The following SPNS2 variants were observed in gnomAD, a reference collection of about 807,000 sequenced individuals.
SPNS2 encodes sphingosine-1-phosphate transporter SPNS2.
A neutral mutation model predicts 57.6 loss-of-function variants in SPNS2; 37 were observed. The ratio of observed to expected loss-of-function variants is 0.64; its 90% CI spans 0.49 to 0.85. The LOEUF is 0.85. SPNS2 is among the 40% of genes least tolerant of loss of function. The pLI, the probability that SPNS2 is intolerant of heterozygous loss-of-function variation, is 0.00. For missense variants in SPNS2, 831 were observed against 779.1 expected, an observed-to-expected ratio of 1.07 and a Z score of -0.79; for synonymous variants, 440 against 346.9, an observed-to-expected ratio of 1.27 and a Z score of -2.98.
In SPNS2 at chr17:4,525,151, C is replaced by A; in HGVS notation, c.531C>A (p.Phe177Leu). The change falls in exon 3 of 13, where the codon TTC (phenylalanine) becomes TTA (leucine). Residue 177 changes from phenylalanine (F) to leucine (L), a missense_variant. By Grantham distance (22) the Phe-to-Leu change is conservative. Transcript: ENST00000329078. Reference protein sequence around the residue: ...RKVILSCGIFFWSAVTFSSSF... With the variant: ...RKVILSCGIFLWSAVTFSSSF... ...TGATTCTCAGCTGCGGCATTTTCTTCTGGTCGGCCGTCACCTTCTCCAGCT... is the reference window on the plus strand; with the variant it reads ...TGATTCTCAGCTGCGGCATTTTCTTATGGTCGGCCGTCACCTTCTCCAGCT... The A allele has an allele frequency of 6.2e-7, 1 of 1,614,210 alleles. No homozygotes were observed. The highest frequency in any genetic ancestry group is 8.5e-7 in the Non-Finnish European group (1 of 1,180,038).
chr17:4,530,338 C>T (rs1222809635), intron 3 of SPNS2, among the ~76,000 whole-genome samples: 1 of 152,154 alleles, frequency 6.6e-6, no homozygotes, highest in Non-Finnish European at 1.5e-5. Flanking sequence ...GTCCCCAGTG[C>T]CTATGAGGAC....
intron 2 of SPNS2, among the ~76,000 whole-genome samples, chr17:4,514,178 G>A (rs1479097624): frequency 6.6e-6 from 1 of 152,248 alleles, no homozygotes; most frequent in Non-Finnish European, 1.5e-5. Context: ...CTCAGGGCTT[G>A]GGGCGGGAGG....
At chr17:4,533,571 C>T (rs1905603868) in intron 8 of SPNS2, 139 bp downstream of exon 8, 2 of 1,102,910 alleles carry the variant, frequency 1.8e-6, no homozygotes, top group South Asian at 1.5e-5. Context: ...CCCTGCTCAT[C>T]CCCAGCCTGG....
In SPNS2 at chr17:4,533,951, G is replaced by T. The variant is rs1905629154; in HGVS notation, c.1344+98G>T. The T allele has an allele frequency of 4.4e-6, 5 of 1,135,556 alleles. No individual in the cohort carries two copies. In the Admixed American group the frequency reaches 9.2e-5, roughly 21 times the overall value. 70.3% of individuals were successfully genotyped at this position (1,135,556 alleles called of 1,614,324 possible). ...GGGCGGGTGAAGGGGCGGGAGAGCT[G>T]GTAGGAAGGCAGGCCTGCCAGGAAC... is the stretch of plus-strand genomic sequence containing the variant. On this transcript the variant is annotated intron_variant, in intron 9 of 12. Coordinates refer to ENST00000329078, the MANE Select transcript of SPNS2 (RefSeq NM_001124758.3).
chr17:4,509,093 T>C (rs1318972153), intron 1 of SPNS2, among the ~76,000 whole-genome samples: 3 of 152,162 alleles, frequency 2.0e-5, no homozygotes, highest in Non-Finnish European at 4.4e-5. Context: ...GTATCCTGGC[T>C]GACTCCCAGG....
Position 4,538,837 on chromosome 17 carries a change from AC to A in SPNS2, c.*1394del. The A allele has an allele frequency of 1.3e-6, 1 of 777,430 alleles. No individual in the cohort carries two copies. The allele number at this position is 777,430 out of a possible 1,614,324, so 48.2% of individuals were successfully genotyped here. On this transcript the variant is annotated 3_prime_UTR_variant, in exon 13 of 13. Transcript: ENST00000329078. ...TGGCATCCTCCAAAGACCAGCCTCC[AC>A]CCCCACTCCAGCCTCAGCGGGGCCC...
intron 1 of SPNS2, 143 bp from the exon 2 acceptor site, chr17:4,513,103 TG>T: frequency 1.2e-6 from 1 of 835,064 alleles, no homozygotes; most frequent in Non-Finnish European, 1.9e-6. Flanking sequence ...CTGGGAAACC[TG>T]GGCAGGGTAG....
intron 1 of SPNS2, among the ~76,000 whole-genome samples, chr17:4,503,754 G>A (rs1904596518): frequency 6.6e-6 from 1 of 152,248 alleles, no homozygotes; most frequent in African/African-American, 2.4e-5. Context: ...TGGGTGGAGT[G>A]GGGGCTGTTG....
In SPNS2 at chr17:4,538,579, C is replaced by A. The variant is rs565618019; in HGVS notation, c.*1131C>A. 144 of 388,324 alleles carry A rather than the reference C, an allele frequency of 3.7e-4. 3 individuals carry two copies. The highest frequency in any genetic ancestry group is 1.6e-3 in the South Asian group (62 of 39,488). The allele number at this position is 388,324 out of a possible 1,614,324, so 24.1% of individuals were successfully genotyped here. A position where few individuals can be genotyped will look rare whatever the true frequency, so the allele number is the denominator to read the frequency against. The stretch of plus-strand genomic sequence containing the variant: ...CGCTTTGGGGGAGCTTAGCCCCCTG[C>A]GTCACCCACTCCCTGCACTTCTGCT... On this transcript the variant is annotated 3_prime_UTR_variant, in exon 13 of 13. Coordinates refer to ENST00000329078, the MANE Select transcript of SPNS2 (RefSeq NM_001124758.3).
At chr17:4,503,976 T>C (rs1904603640) in intron 1 of SPNS2, among the ~76,000 whole-genome samples, 1 of 125,170 alleles carries the variant, frequency 8.0e-6, no homozygotes, top group Non-Finnish European at 1.6e-5. Flanking sequence ...CTCACTCTCC[T>C]ATTGGCTTTT....
In SPNS2 at chr17:4,506,599, C is replaced by T. The variant is rs190575885; in HGVS notation, c.371-6648C>T. The stretch of plus-strand genomic sequence containing the variant: ...AGAGGCCCGGCAGCCCGGCCCCGCC[C>T]ACTCTTGGCATAGAGACACAGCAGG... On this transcript the variant is annotated intron_variant, in intron 1 of 12. Coordinates refer to ENST00000329078, the MANE Select transcript of SPNS2 (RefSeq NM_001124758.3). Among the ~76,000 whole-genome samples the T allele has an allele frequency of 2.3e-3, 352 of 152,302 alleles. 2 individuals are homozygous for T. The highest frequency in any genetic ancestry group is 0.01 in the Middle Eastern group (3 of 294).
At chr17:4,528,833 G>T (rs1250405379) in intron 3 of SPNS2, among the ~76,000 whole-genome samples, 1 of 152,102 alleles carries the variant, frequency 6.6e-6, no homozygotes, top group Non-Finnish European at 1.5e-5. Context: ...ATATGCAGTG[G>T]TGTGATCACA....
chr17:4,530,170 CCACTTCA>C (rs902853311), intron 3 of SPNS2, among the ~76,000 whole-genome samples: 8 of 152,184 alleles, frequency 5.3e-5, no homozygotes, highest in African/African-American at 9.6e-5. Flanking sequence ...TCCCCACTCC[CCACTTCA>C]CACTGGGCCC....
chr17:4,529,929 G>C (rs889030588), intron 3 of SPNS2, among the ~76,000 whole-genome samples: 1 of 152,198 alleles, frequency 6.6e-6, no homozygotes, highest in African/African-American at 2.4e-5. Context: ...AGGGCTGGAC[G>C]CGGGCGATGC....
In SPNS2 at chr17:4,512,499, C is replaced by T. The variant is rs372784852; in HGVS notation, c.371-748C>T. ...GCCCTAAAGTAGTTGGGCTTGGAAG[C>T]GGGTGTGGCCTCAAGAAATCCACTT... On this transcript the variant is annotated intron_variant, in intron 1 of 12. Transcript: ENST00000329078. This position sits in a 1 kb window ranked among gnomAD's most constrained non-coding sequence, Gnocchi z 5.2. 1.3e-5 allele frequency among the ~76,000 whole-genome samples: 2 copies of T among 152,060 alleles called. No homozygotes were observed. Among genetic ancestry groups the T allele is most frequent in the African/African-American group, 4.8e-5 (2 of 41,410 alleles).
rs751526720 is a variant in SPNS2 at position 4,530,795 on chromosome 17, A to C, written c.725+12A>C. On this transcript the variant is annotated intron_variant, in intron 4 of 12. Coordinates refer to ENST00000329078, the MANE Select transcript of SPNS2 (RefSeq NM_001124758.3). ...ATCCCACTGGGCAGGTGAGAGCCGG[A>C]GATGCCAGGGTCTGGGTGAGGATCT... 11 of 1,608,896 alleles carry C rather than the reference A, an allele frequency of 6.8e-6. No individual in the cohort carries two copies. The East Asian group carries it at 2.2e-4, about 33-fold the overall frequency.
intron 3 of SPNS2, among the ~76,000 whole-genome samples, chr17:4,527,343 G>A (rs762352484): frequency 3.3e-5 from 5 of 152,246 alleles, no homozygotes; most frequent in Non-Finnish European, 4.4e-5. Context: ...TAAGATCAAT[G>A]AGCCAGAGTC....
intron 2 of SPNS2, among the ~76,000 whole-genome samples, chr17:4,520,634 T>G (rs1905115696): frequency 6.6e-6 from 1 of 152,106 alleles, no homozygotes; most frequent in Non-Finnish European, 1.5e-5. Flanking sequence ...CTGACCTGTC[T>G]CCTTGCTGTC....
chr17:4,512,015 T>C lies in SPNS2; in HGVS notation c.371-1232T>C, dbSNP rs1392547141. On this transcript the variant is annotated intron_variant, in intron 1 of 12. Coordinates refer to ENST00000329078, the MANE Select transcript of SPNS2 (RefSeq NM_001124758.3). The surrounding 1 kb of genome is among the most constrained non-coding windows in gnomAD (Gnocchi z 5.2). The stretch of plus-strand genomic sequence containing the variant: ...GCTCCAGTTTCCTCATCTGTCAACT[T>C]GGATCCTAGTACCAGCCTCCTAGGG... 6.6e-6 allele frequency among the ~76,000 whole-genome samples: 1 copy of C among 152,186 alleles called. No individual in the cohort carries two copies. The highest frequency in any genetic ancestry group is 2.4e-5 in the African/African-American group (1 of 41,442).
Sources: allele counts gnomAD v4.1 joint callset (sites outside exome capture counted in the v4.1 genomes callset), GRCh38; gene constraint gnomAD v4.1.1; non-coding constraint Gnocchi (gnomAD v3.1); transcripts MANE v1.5; gene names NCBI Gene and HGNC (gene_info 2026-07-23, HGNC 2026-07-21).